Variants in BCKDHB observed in about 807,000 individuals in gnomAD.
The protein encoded by BCKDHB is 2-oxoisovalerate dehydrogenase subunit beta, mitochondrial.
In BCKDHB, 41 loss-of-function variants were observed where a neutral mutation model predicts 48.5. That is an observed-to-expected ratio of 0.85 (90% CI 0.66 to 1.10). The LOEUF (loss-of-function observed/expected upper bound fraction) is 1.10, where lower values mean the gene tolerates loss of function less well. Ranked by LOEUF, BCKDHB falls within the 50% of genes least tolerant of loss-of-function variation. The pLI is 0.00. For missense variants in BCKDHB, 496 were observed against 494.2 expected, an observed-to-expected ratio of 1.00 and a Z score of -0.03; for synonymous variants, 201 against 174.8, an observed-to-expected ratio of 1.15 and a Z score of -1.18.
At chr6:80,320,610 G>A (rs1768672007) in intron 9 of BCKDHB, among the ~76,000 whole-genome samples, 1 of 152,178 alleles carries the variant, frequency 6.6e-6, no homozygotes, top group South Asian at 2.1e-4. Context: ...GTGGAGGCCT[G>A]TAGAAGAATC....
intron 9 of BCKDHB, among the ~76,000 whole-genome samples, chr6:80,335,947 G>A (rs1254533727): frequency 6.6e-6 from 1 of 151,948 alleles, no homozygotes; most frequent in African/African-American, 2.4e-5. Flanking sequence ...AAATATTTAA[G>A]TATGGTCTCT....
chr6:80,346,376 C>T (rs1247757267), downstream of BCKDHB: 1 of 152,086 alleles, frequency 6.6e-6, no homozygotes. Flanking sequence ...ACAGTATTCA[C>T]TATAGAAATG....
At chr6:80,401,621 C>A in the BCKDHB span, among the ~76,000 whole-genome samples, 2 of 151,762 alleles carry the variant, frequency 1.3e-5, no homozygotes, top group Non-Finnish European at 3.0e-5. Context: ...TGGACTAATG[C>A]ATTAAGTATA....
the BCKDHB span, among the ~76,000 whole-genome samples, chr6:80,401,388 T>A: frequency 6.6e-6 from 1 of 151,732 alleles, no homozygotes; most frequent in African/African-American, 2.4e-5. Flanking sequence ...GACCCCTTTT[T>A]AAATTATTTT....
the BCKDHB span, among the ~76,000 whole-genome samples, chr6:80,418,798 C>T: frequency 9.9e-5 from 15 of 152,112 alleles, no homozygotes; most frequent in African/African-American, 3.4e-4. Context: ...AGGGCAGCTG[C>T]AGCAGAGTGC....
intron 8 of BCKDHB, among the ~76,000 whole-genome samples, chr6:80,255,323 G>A (rs752446995): frequency 6.6e-6 from 1 of 152,118 alleles, no homozygotes; most frequent in Non-Finnish European, 1.5e-5. Context: ...ATGTAGGAAT[G>A]TTTCTACTGT....
intron 8 of BCKDHB, among the ~76,000 whole-genome samples, chr6:80,219,147 A>G (rs1359955309): frequency 6.6e-6 from 1 of 151,624 alleles, no homozygotes; most frequent in Non-Finnish European, 1.5e-5. Context: ...TGAAAAATCA[A>G]GACAAGCCTT....
the BCKDHB span, among the ~76,000 whole-genome samples, chr6:80,364,832 A>C: frequency 6.6e-6 from 1 of 152,136 alleles, no homozygotes; most frequent in African/African-American, 2.4e-5. Flanking sequence ...GGGGGAACCC[A>C]CCCCCAATAT....
At chr6:80,322,255 TG>T (rs55993846) in intron 9 of BCKDHB, among the ~76,000 whole-genome samples, 46,677 of 130,426 alleles carry the variant, frequency 0.36, 9,653 homozygotes, top group African/African-American at 0.47. Flanking sequence ...TTTTTTTTTT[TG>T]GTGACGGAGT....
At chr6:80,397,850 A>G in the BCKDHB span, among the ~76,000 whole-genome samples, 4 of 152,172 alleles carry the variant, frequency 2.6e-5, no homozygotes, top group African/African-American at 9.7e-5. Flanking sequence ...CTGCACTCCA[A>G]CCTGGAGACA....
chr6:80,344,184 TA>T lies in BCKDHB; in HGVS notation c.*381del, dbSNP rs1340584301. 1 of 287,136 alleles carries T rather than the reference TA, an allele frequency of 3.5e-6. No homozygotes were observed. Among genetic ancestry groups the T allele is most frequent in the Admixed American group, 4.8e-5 (1 of 21,004 alleles). 17.8% of individuals were successfully genotyped at this position (287,136 alleles called of 1,614,324 possible). On this transcript the variant is annotated 3_prime_UTR_variant, in exon 10 of 10. Coordinates refer to ENST00000320393, the MANE Select transcript of BCKDHB (RefSeq NM_183050.4). The stretch of plus-strand genomic sequence containing the variant: ...CATGCCCAGCTAATTTTTGTGTTTT[TA>T]TTGGAGGTGGGGTGTCACTATGTTG...
intron 8 of BCKDHB, among the ~76,000 whole-genome samples, chr6:80,212,884 T>C (rs973833853): frequency 6.6e-6 from 1 of 152,228 alleles, no homozygotes; most frequent in Non-Finnish European, 1.5e-5. Context: ...CACCTTTTCC[T>C]TCTTTCCTCT....
chr6:80,399,940 C>G, the BCKDHB span, among the ~76,000 whole-genome samples: 1 of 152,042 alleles, frequency 6.6e-6, no homozygotes, highest in Non-Finnish European at 1.5e-5. Flanking sequence ...ATACCTACAA[C>G]TATTTGATCC....
the BCKDHB span, among the ~76,000 whole-genome samples, chr6:80,388,515 G>A: frequency 6.6e-6 from 1 of 152,160 alleles, no homozygotes; most frequent in African/African-American, 2.4e-5. Flanking sequence ...CATGAACTGG[G>A]TGCTTTCTGA....
At chr6:80,309,871 A>G (rs1768067436) in intron 9 of BCKDHB, among the ~76,000 whole-genome samples, 1 of 152,148 alleles carries the variant, frequency 6.6e-6, no homozygotes, top group Admixed American at 6.6e-5. Context: ...TCAGCCCTCA[A>G]GTAGGCCTCA....
chr6:80,314,006 C>T (rs1768305572), intron 9 of BCKDHB, among the ~76,000 whole-genome samples: 1 of 152,174 alleles, frequency 6.6e-6, no homozygotes, highest in African/African-American at 2.4e-5. Flanking sequence ...TTCTTGATTT[C>T]TGCCTTAATT....
At chr6:80,402,879 ATTC>A in the BCKDHB span, among the ~76,000 whole-genome samples, 1 of 151,764 alleles carries the variant, frequency 6.6e-6, no homozygotes, top group African/African-American at 2.4e-5. Context: ...TCCATTGCAT[ATTC>A]TTAGTGCCCT....
chr6:80,218,179 G>A (rs1461867105), intron 8 of BCKDHB, among the ~76,000 whole-genome samples: 1 of 152,014 alleles, frequency 6.6e-6, no homozygotes, highest in African/African-American at 2.4e-5. Flanking sequence ...CCAGGAAAAT[G>A]GACTTTTCCT....
At chr6:80,190,175 T>C (rs182642100) in intron 6 of BCKDHB, among the ~76,000 whole-genome samples, 227 of 152,148 alleles carry the variant, frequency 1.5e-3, no homozygotes, top group Non-Finnish European at 2.6e-3. Flanking sequence ...TTTGAGAAAA[T>C]GGTAGGGAAT....
Sources: allele counts gnomAD v4.1 joint callset (sites outside exome capture counted in the v4.1 genomes callset), GRCh38; gene constraint gnomAD v4.1.1; transcripts MANE v1.5; gene names NCBI Gene and HGNC (gene_info 2026-07-23, HGNC 2026-07-21).